Variants in COL28A1 observed in about 807,000 individuals in gnomAD.
COL28A1 encodes the protein collagen alpha-1(XXVIII) chain.
COL28A1 carries 161 observed loss-of-function variants against 150.2 expected under a neutral mutation model. That is an observed-to-expected ratio of 1.07 (90% CI 0.94 to 1.22). The LOEUF (loss-of-function observed/expected upper bound fraction) is 1.22. Ranked by LOEUF, COL28A1 falls within the 50% of genes most tolerant of loss-of-function variation. The pLI is 0.00. For synonymous variants in COL28A1, 552 were observed against 469.7 expected (o/e 1.18, Z -2.26); for missense variants, 1,617 against 1,388.3 (o/e 1.16, Z -2.62).
intron 27 of COL28A1, chr7:7,417,535 A>AGG: frequency 2.3e-5 from 2 of 87,348 alleles, no homozygotes; most frequent in Non-Finnish European, 1.8e-5. Context: ...GGAGGGAGGG[A>AGG]GGGAGGGGGG....
chr7:7,437,287 T>C, intron 22 of COL28A1, 107 bp downstream of exon 22: 1 of 1,456,410 alleles, frequency 6.9e-7, no homozygotes. Context: ...CGGAATCATT[T>C]CTAAGGCTCT....
chr7:7,508,231 CAA>C (rs879724648), intron 9 of COL28A1, among the ~76,000 whole-genome samples: 10 of 106,728 alleles, frequency 9.4e-5, no homozygotes, highest in Admixed American at 1.0e-4. Flanking sequence ...GACTCTGTCT[CAA>C]AAAAAAAAAA....
At chr7:7,413,849 A>G (rs1224910001) in intron 27 of COL28A1, among the ~76,000 whole-genome samples, 2 of 152,208 alleles carry the variant, frequency 1.3e-5, no homozygotes, top group African/African-American at 2.4e-5. Context: ...AATTCTCTCA[A>G]TGAATAAAGC....
chr7:7,479,051 G>A (rs1000551364), intron 13 of COL28A1, among the ~76,000 whole-genome samples: 1 of 152,226 alleles, frequency 6.6e-6, no homozygotes, highest in African/African-American at 2.4e-5. Flanking sequence ...AGGCTGAGGA[G>A]GCGCCAAGAG....
At chr7:7,431,016 T>C (rs924139355) in intron 25 of COL28A1, among the ~76,000 whole-genome samples, 2 of 152,180 alleles carry the variant, frequency 1.3e-5, no homozygotes, top group African/African-American at 2.4e-5. Context: ...CAAGATTCCC[T>C]TTTAAAGATG....
At chr7:7,469,441 TG>T (rs1294797384) in intron 15 of COL28A1, among the ~76,000 whole-genome samples, 1 of 12,242 alleles carries the variant, frequency 8.2e-5, no homozygotes, top group Non-Finnish European at 1.3e-4. Flanking sequence ...TACAAACCAC[TG>T]CTCAAGGAAA....
At chr7:7,388,024 A>G (rs902634501) in intron 27 of COL28A1, among the ~76,000 whole-genome samples, 1 of 151,570 alleles carries the variant, frequency 6.6e-6, no homozygotes, top group Admixed American at 6.6e-5. Context: ...TTTCAGTTCA[A>G]TTTTTTTAAA....
Position 7,495,021 on chromosome 7 carries a change from G to T in COL28A1, c.1027-4375C>A, listed in dbSNP as rs549994616. Among the ~76,000 whole-genome samples the T allele has an allele frequency of 1.6e-4, 24 of 152,244 alleles. 1 individual carries two copies. The South Asian group carries it at 4.6e-3, about 29-fold the overall frequency. ...CGTGAGCCCAACAGGCCGGAAACAA[G>T]GTGACACTAGGGCCACTGTCTGGAG... is the stretch of plus-strand genomic sequence containing the variant. On this transcript the variant is annotated intron_variant, in intron 11 of 34. Coordinates refer to ENST00000399429, the MANE Select transcript of COL28A1 (RefSeq NM_001037763.3).
intron 25 of COL28A1, among the ~76,000 whole-genome samples, chr7:7,429,419 CTCTCTCTCACATACACACACACTCTCTT>C (rs1784819422): frequency 7.3e-6 from 1 of 137,878 alleles, no homozygotes; most frequent in Non-Finnish European, 1.5e-5. Flanking sequence ...CTCTCTCTCT[CTCTCTCTCACATACACACACACTCTCTT>C]TCTCTCTGTG....
intron 27 of COL28A1, among the ~76,000 whole-genome samples, chr7:7,394,142 G>A (rs558205515): frequency 1.1e-4 from 16 of 152,294 alleles, no homozygotes; most frequent in South Asian, 2.1e-4. Flanking sequence ...AGAGTGCACC[G>A]TTCCTCATGG....
intron 6 of COL28A1, among the ~76,000 whole-genome samples, chr7:7,519,469 T>C (rs1444050734): frequency 1.3e-5 from 2 of 152,238 alleles, no homozygotes; most frequent in African/African-American, 2.4e-5. Flanking sequence ...CCTTAAATTT[T>C]CACATAGTTA....
intron 3 of COL28A1, among the ~76,000 whole-genome samples, chr7:7,529,995 G>A (rs1782257496): frequency 1.2e-4 from 3 of 24,790 alleles, no homozygotes; most frequent in Middle Eastern, 0.03. Context: ...CATTTACCCC[G>A]AATCCCCAAG....
intron 15 of COL28A1, among the ~76,000 whole-genome samples, chr7:7,461,851 G>A (rs533570955): frequency 2.6e-5 from 4 of 152,262 alleles, no homozygotes; most frequent in African/African-American, 9.6e-5. Context: ...GGAGTTATAA[G>A]GCCCTGTCCA....
Position 7,456,865 on chromosome 7 carries a change from G to A in COL28A1, c.1303-753C>T, listed in dbSNP as rs1046591711. Among the ~76,000 whole-genome samples the A allele has an allele frequency of 2.0e-5, 3 of 152,180 alleles. No individual in the cohort carries two copies. In the South Asian group the frequency reaches 6.2e-4, roughly 32 times the overall value. Reference sequence around the variant, plus strand: ...AGTATGTTGAATAATAAGTGTGAAGGAGAAAAATTAATCAGGGAAGAGAAG... The same window carrying A: ...AGTATGTTGAATAATAAGTGTGAAGAAGAAAAATTAATCAGGGAAGAGAAG... On this transcript the variant is annotated intron_variant, in intron 15 of 34. Transcript: ENST00000399429.
At chr7:7,374,783 T>C (rs1480266774) in intron 31 of COL28A1, among the ~76,000 whole-genome samples, 1 of 152,156 alleles carries the variant, frequency 6.6e-6, no homozygotes, top group Non-Finnish European at 1.5e-5. Flanking sequence ...GGCCCAGCAG[T>C]CTTTTAGGGA....
intron 27 of COL28A1, among the ~76,000 whole-genome samples, chr7:7,394,165 T>C (rs1013158751): frequency 1.3e-5 from 2 of 152,142 alleles, no homozygotes; most frequent in African/African-American, 4.8e-5. Flanking sequence ...CAGTCCCTCA[T>C]GGCTTCCCTT....
chr7:7,508,576 C>T (rs1201277177), intron 9 of COL28A1, among the ~76,000 whole-genome samples: 1 of 152,220 alleles, frequency 6.6e-6, no homozygotes, highest in Non-Finnish European at 1.5e-5. Context: ...AGTGTATCTT[C>T]ATCTTATGGG....
intron 25 of COL28A1, chr7:7,431,419 T>C (rs368403472): frequency 5.3e-5 from 22 of 416,396 alleles, no homozygotes; most frequent in East Asian, 3.6e-4. Flanking sequence ...ACACGCTACA[T>C]GGAAAACATA....
At chr7:7,356,891 T>C (rs1199953463), downstream of COL28A1, 1 of 152,156 alleles carries the variant, frequency 6.6e-6, no homozygotes, top group African/African-American at 2.4e-5. Flanking sequence ...TAGTATCAAA[T>C]ATTACATAAT....
Sources: gnomAD v4.1 joint callset for allele counts (sites outside exome capture counted in the v4.1 genomes callset) on GRCh38, gnomAD v4.1.1 for gene constraint, MANE v1.5 for transcripts, NCBI Gene and HGNC (gene_info 2026-07-23, HGNC 2026-07-21) for gene names.